RFC5: variants seen among roughly 807,000 people sequenced by gnomAD.
RFC5 encodes the protein A1 36 kDa subunit.
RFC5 carries 26 observed loss-of-function variants against 44.3 expected under a neutral mutation model. The observed-to-expected ratio is 0.59, with a 90% CI of 0.43 to 0.81. The LOEUF is 0.81. RFC5 is among the 40% of genes least tolerant of loss of function. The pLI is 0.00. For missense variants in RFC5, 328 were observed against 418.6 expected (o/e 0.78, Z 1.89); for synonymous variants, 155 against 155.2 (o/e 1.00, Z 0.01).
intron 1 of RFC5, among the ~76,000 whole-genome samples, chr12:118,017,368 G>A (rs991664238): frequency 6.6e-6 from 1 of 152,214 alleles, no homozygotes; most frequent in Non-Finnish European, 1.5e-5. Context: ...ACCGTAGGAG[G>A]TAGGCACCGC....
chr12:118,040,831 T>C, the RFC5 span, among the ~76,000 whole-genome samples: 1 of 152,098 alleles, frequency 6.6e-6, no homozygotes, highest in Non-Finnish European at 1.5e-5. Flanking sequence ...GCAGATCACT[T>C]GAGGTCAGGA....
At chr12:118,038,095 A>C (rs2031552748), downstream of RFC5, 1 of 456,238 alleles carries the variant, frequency 2.2e-6, no homozygotes, top group Non-Finnish European at 3.8e-6. Context: ...ACCTGTTTCC[A>C]AATCCCTCCT....
intron 9 of RFC5, among the ~76,000 whole-genome samples, 174 bp downstream of exon 9, chr12:118,028,204 C>T (rs1457394847): frequency 1.3e-5 from 2 of 152,164 alleles, no homozygotes; most frequent in African/African-American, 2.4e-5. Context: ...TGTTCCAGAG[C>T]TGGGTACGGT....
intron 5 of RFC5, 118 bp downstream of exon 5, chr12:118,022,477 T>C (rs28541639): frequency 2.8e-6 from 2 of 710,298 alleles, no homozygotes; most frequent in East Asian, 2.7e-5. Context: ...TTTTTTTTCT[T>C]TTTTTGAGTC....
chr12:118,032,183 A>ATGCATTTATATGCATTATATG lies in RFC5; in HGVS notation c.*905_*906insTGCATTTATATGCATTATATG, dbSNP rs1287890738. The ATGCATTTATATGCATTATATG allele has an allele frequency of 6.6e-6, 1 of 152,232 alleles. No individual in the cohort carries two copies. Among genetic ancestry groups the ATGCATTTATATGCATTATATG allele is most frequent in the Non-Finnish European group, 1.5e-5 (1 of 68,048 alleles). The allele number at this position is 152,232 out of a possible 1,614,324, so 9.4% of individuals were successfully genotyped here. A position where few individuals can be genotyped will look rare whatever the true frequency, so the allele number is the denominator to read the frequency against. ...TTGTCAAACTTGCATTTATATGAAA[A>ATGCATTTATATGCATTATATG]CCTTCTGTCTCTAATATCACAGAAT... On this transcript the variant is annotated 3_prime_UTR_variant, in exon 11 of 11. Coordinates refer to ENST00000454402, the MANE Select transcript of RFC5 (RefSeq NM_007370.7).
chr12:118,021,008 C>T (rs771401544), intron 4 of RFC5, 23 bp downstream of exon 4: 64 of 1,472,594 alleles, frequency 4.3e-5, no homozygotes, highest in East Asian at 2.3e-4. Flanking sequence ...TGTGTAATTT[C>T]GCTCCCTTGA....
Position 118,031,312 on chromosome 12 carries a change from C to CA in RFC5, c.*35dup. On this transcript the variant is annotated 3_prime_UTR_variant, in exon 11 of 11. Transcript: ENST00000454402. ...AGGGCCATTCACAATTCTCAGGGCT[C>CA]AGCAGTGATGGGAGAACAGAGGACA... 7.2e-7 allele frequency: 1 copy of CA among 1,393,754 alleles called. No individual in the cohort carries two copies. Among genetic ancestry groups the CA allele is most frequent in the Non-Finnish European group, 1.0e-6 (1 of 981,320 alleles). The allele number at this position is 1,393,754 out of a possible 1,614,324, so 86.3% of individuals were successfully genotyped here.
At chr12:118,034,688 T>G (rs1264105350), downstream of RFC5, 1 of 494,848 alleles carries the variant, frequency 2.0e-6, no homozygotes, top group East Asian at 3.5e-5. Context: ...TGTAAAGTGG[T>G]CTTTTAGCCC....
In RFC5 at chr12:118,032,214, T is replaced by C. The variant is rs899770748; in HGVS notation, c.*936T>C. On this transcript the variant is annotated 3_prime_UTR_variant, in exon 11 of 11. Transcript: ENST00000454402. ...TGTCTCTAATATCACAGAATAAACT[T>C]TCTTTAGATGCTGTTCTTTATAAAA... 6.6e-6 allele frequency: 1 copy of C among 152,256 alleles called. No individual in the cohort carries two copies. Among genetic ancestry groups the C allele is most frequent in the Non-Finnish European group, 1.5e-5 (1 of 68,044 alleles). 9.4% of individuals were successfully genotyped at this position (152,256 alleles called of 1,614,324 possible). A position where few individuals can be genotyped will look rare whatever the true frequency, so the allele number is the denominator to read the frequency against.
the RFC5 span, among the ~76,000 whole-genome samples, chr12:118,040,019 T>G: frequency 6.6e-6 from 1 of 152,012 alleles, no homozygotes; most frequent in East Asian, 1.9e-4. Context: ...GTGCTTTAAT[T>G]AATATTTTTA....
intron 8 of RFC5, 40 bp downstream of exon 8, chr12:118,027,058 G>A (rs1398440478): frequency 6.3e-6 from 10 of 1,595,204 alleles, no homozygotes; most frequent in African/African-American, 5.4e-5. Context: ...GAGACCTGAA[G>A]GTGGCCCCAG....
chr12:118,018,921 A>G (rs2030294349), intron 1 of RFC5, 151 bp from the exon 2 acceptor site: 2 of 600,640 alleles, frequency 3.3e-6, no homozygotes, highest in Non-Finnish European at 6.0e-6. Flanking sequence ...TTGGTCTTGA[A>G]CTCCTGACCC....
chr12:118,028,507 C>T (rs2031109161), intron 9 of RFC5, among the ~76,000 whole-genome samples: 2 of 148,204 alleles, frequency 1.3e-5, no homozygotes, highest in South Asian at 4.4e-4. Flanking sequence ...AAACAAAACA[C>T]AAAAAACGTG....
intron 8 of RFC5, chr12:118,027,500 C>T (rs143264952): frequency 0.034 from 5,362 of 159,676 alleles, 130 homozygotes; most frequent in Non-Finnish European, 0.05. Flanking sequence ...GGCGAAACCC[C>T]GTCTCTACTA....
chr12:118,024,891 C>A lies in RFC5; in HGVS notation c.462C>A (p.Ile154=). ...KFTENTRFCL[I]CNYLSKIIPA... is the part of the protein sequence containing the mutation. ...CAGAAAATACCAGATTCTGCCTCAT[C>A]TGTAACTATCTGTCAAAGATCATCC... The change falls in exon 6 of 11, where the codon ATC becomes ATA. Residue 154 remains isoleucine, a synonymous_variant. Coordinates refer to ENST00000454402, the MANE Select transcript of RFC5 (RefSeq NM_007370.7). 1 of 1,613,636 alleles carries A rather than the reference C, an allele frequency of 6.2e-7. No homozygotes were observed. The highest frequency in any genetic ancestry group is 8.5e-7 in the Non-Finnish European group (1 of 1,179,780).
intron 10 of RFC5, among the ~76,000 whole-genome samples, chr12:118,030,575 T>C (rs1252310780): frequency 6.6e-6 from 1 of 152,232 alleles, no homozygotes; most frequent in African/African-American, 2.4e-5. Context: ...CTTCATTACA[T>C]AAATTTTGTA....
downstream of RFC5, among the ~76,000 whole-genome samples, chr12:118,037,442 G>C (rs1002910515): frequency 6.6e-6 from 1 of 152,074 alleles, no homozygotes; most frequent in Non-Finnish European, 1.5e-5. Context: ...CCAGGCGGGC[G>C]GATCACCTGA....
chr12:118,025,510 G>T, intron 6 of RFC5: 1 of 464,110 alleles, frequency 2.2e-6, no homozygotes, highest in Non-Finnish European at 3.9e-6. Flanking sequence ...ATGGGAGAAT[G>T]CTTGTTCCTA....
At position 118,023,742 on chromosome 12, in the gene RFC5, C is replaced by T. The variant is rs541117205; in HGVS notation, c.422-1109C>T. Reference sequence around the variant, plus strand: ...CTCCATGGAAAAGTCTGCAAAAAGCCGCCCTCCCTGCCCATAGAAGGTGAA... The same window carrying T: ...CTCCATGGAAAAGTCTGCAAAAAGCTGCCCTCCCTGCCCATAGAAGGTGAA... On this transcript the variant is annotated intron_variant, in intron 5 of 10. Coordinates refer to ENST00000454402, the MANE Select transcript of RFC5 (RefSeq NM_007370.7). Among the ~76,000 whole-genome samples, 62 of 150,632 alleles carry T rather than the reference C, an allele frequency of 4.1e-4. 1 individual carries two copies. The highest frequency in any genetic ancestry group is 3.6e-3 in the Middle Eastern group (1 of 280).
Sources: gnomAD v4.1 joint callset for allele counts (sites outside exome capture counted in the v4.1 genomes callset) on GRCh38, gnomAD v4.1.1 for gene constraint, MANE v1.5 for transcripts, NCBI Gene and HGNC (gene_info 2026-07-23, HGNC 2026-07-21) for gene names.